Variants in GALM observed in about 807,000 individuals in gnomAD.
GALM encodes the protein aldose 1-epimerase.
GALM carries 43 observed loss-of-function variants against 37.4 expected under a neutral mutation model. The ratio of observed to expected loss-of-function variants is 1.15; its 90% confidence interval spans 0.90 to 1.48. The LOEUF is 1.48. Among genes scored for constraint, GALM ranks in the 40% most tolerant of loss-of-function variants. GALM has a pLI of 0.00. For synonymous variants in GALM, 199 were observed against 170.6 expected (o/e 1.17, Z -1.30); for missense variants, 456 against 419.1 (o/e 1.09, Z -0.77).
Position 38,681,488 on chromosome 2 carries a change from T to A in GALM, c.552+2T>A, listed in dbSNP as rs1393166942. ...TCTTACTTCAACCTGGCAGGCCAGG[T>A]AAGTGAACTTGTTTCTTCTTTCCTG... On this transcript the variant is annotated splice_donor_variant, in intron 3 of 6. Coordinates refer to ENST00000272252, the MANE Select transcript of GALM (RefSeq NM_138801.3). LOFTEE classifies it high-confidence loss of function. The A allele has an allele frequency of 1.2e-6, 2 of 1,611,728 alleles. No individual in the cohort carries two copies. The highest frequency in any genetic ancestry group is 1.7e-4 in the Middle Eastern group (1 of 6,060).
rs1240496310 is a variant in GALM, at chr2:38,709,553, GA to G, written c.634+19673del. ...AAATCAGAAAATGCTCGGTGGAAAG[GA>G]AAAAAAAAAAAAACATAAGACAAAA... On this transcript the variant is annotated intron_variant, in intron 4 of 6. Coordinates refer to ENST00000272252, the MANE Select transcript of GALM (RefSeq NM_138801.3). Among the ~76,000 whole-genome samples, 598 of 114,272 alleles carry G rather than the reference GA, an allele frequency of 5.2e-3. 2 individuals carry two copies. Among genetic ancestry groups the G allele is most frequent in the South Asian group, 0.017 (61 of 3,648 alleles). The allele number at this position is 114,272 out of a possible 152,430, so 75.0% of individuals were successfully genotyped here. A position where few individuals can be genotyped will look rare whatever the true frequency, so the allele number is the denominator to read the frequency against.
Position 38,733,961 on chromosome 2 carries a change from C to T in GALM, c.*396C>T. 3.4e-6 allele frequency: 1 copy of T among 297,054 alleles called. No individual in the cohort carries two copies. Among genetic ancestry groups the T allele is most frequent in the Non-Finnish European group, 6.6e-6 (1 of 151,048 alleles). The allele number at this position is 297,054 out of a possible 1,614,324, so 18.4% of individuals were successfully genotyped here. A position where few individuals can be genotyped will look rare whatever the true frequency, so the allele number is the denominator to read the frequency against. ...TTTCCTCCTCCTTCACCTCCAACCA[C>T]TGTCAGCAGCACTCTGGAGTTTTCA... is the stretch of plus-strand genomic sequence containing the variant. On this transcript the variant is annotated 3_prime_UTR_variant, in exon 7 of 7. Transcript: ENST00000272252.
intron 1 of GALM, among the ~76,000 whole-genome samples, chr2:38,672,822 C>G (rs1166346288): frequency 6.6e-6 from 1 of 150,796 alleles, no homozygotes; most frequent in African/African-American, 2.4e-5. Context: ...GCCTGGCCAA[C>G]ATGGTGAAAA....
intron 4 of GALM, among the ~76,000 whole-genome samples, chr2:38,718,607 T>G (rs1666315300): frequency 6.6e-6 from 1 of 151,970 alleles, no homozygotes; most frequent in African/African-American, 2.4e-5. Context: ...CTTTTTTCTT[T>G]TCTCCCTTAA....
At chr2:38,702,134 A>G (rs998128656) in intron 4 of GALM, among the ~76,000 whole-genome samples, 12 of 152,090 alleles carry the variant, frequency 7.9e-5, no homozygotes, top group African/African-American at 2.7e-4. Context: ...ATAAAGTGGG[A>G]TCAATGAATG....
intron 4 of GALM, among the ~76,000 whole-genome samples, chr2:38,697,211 A>G (rs1239383620): frequency 2.0e-5 from 3 of 152,196 alleles, no homozygotes; most frequent in Admixed American, 6.5e-5. Context: ...AATTTTAAAC[A>G]TAAGGCCTTT....
At chr2:38,682,799 G>C (rs1665427634) in intron 3 of GALM, among the ~76,000 whole-genome samples, 1 of 151,872 alleles carries the variant, frequency 6.6e-6, no homozygotes, top group Non-Finnish European at 1.5e-5. Flanking sequence ...GGGAGGCTGA[G>C]ACAGGAGAAT....
At chr2:38,712,845 C>T (rs1251445438) in intron 4 of GALM, among the ~76,000 whole-genome samples, 4 of 152,068 alleles carry the variant, frequency 2.6e-5, no homozygotes, top group Non-Finnish European at 5.9e-5. Flanking sequence ...CAGGGGGTGC[C>T]CTGATAGAGA....
intron 4 of GALM, among the ~76,000 whole-genome samples, chr2:38,720,832 G>C (rs1666361577): frequency 6.6e-6 from 1 of 152,214 alleles, no homozygotes; most frequent in Non-Finnish European, 1.5e-5. Flanking sequence ...TTACAGTATG[G>C]TGGCAGGGCT....
At chr2:38,674,732 G>A (rs1276175911) in intron 1 of GALM, among the ~76,000 whole-genome samples, 4 of 152,082 alleles carry the variant, frequency 2.6e-5, no homozygotes, top group South Asian at 2.1e-4. Context: ...AAGACCACAC[G>A]AAAGTATAAC....
intron 4 of GALM, among the ~76,000 whole-genome samples, chr2:38,716,785 A>C (rs1256931093): frequency 3.3e-5 from 5 of 152,164 alleles, no homozygotes; most frequent in Non-Finnish European, 1.5e-5. Flanking sequence ...TTGAGGCTGC[A>C]GTGAGCTGTG....
At position 38,733,712 on chromosome 2, in the gene GALM, A is replaced by G. The variant is rs376663112; in HGVS notation, c.*147A>G. 27 of 683,520 alleles carry G rather than the reference A, an allele frequency of 4.0e-5. No homozygotes were observed. The African/African-American group carries it at 4.6e-4, about 12-fold the overall frequency. The allele number at this position is 683,520 out of a possible 1,614,324, so 42.3% of individuals were successfully genotyped here. A position where few individuals can be genotyped will look rare whatever the true frequency, so the allele number is the denominator to read the frequency against. ...GGCTGTTCTGAGAATCAGTCTGGGTATTGATTTCCTTTTCCAGTGACTGGC... is the reference window on the plus strand; with the variant it reads ...GGCTGTTCTGAGAATCAGTCTGGGTGTTGATTTCCTTTTCCAGTGACTGGC... On this transcript the variant is annotated 3_prime_UTR_variant, in exon 7 of 7. Transcript: ENST00000272252.
chr2:38,709,837 C>T (rs1289660661), intron 4 of GALM, among the ~76,000 whole-genome samples: 5 of 152,194 alleles, frequency 3.3e-5, no homozygotes, highest in South Asian at 2.1e-4. Flanking sequence ...AGATGATTTA[C>T]GAAGATGGCT....
chr2:38,723,894 G>A (rs1037171047), intron 4 of GALM, among the ~76,000 whole-genome samples: 19 of 152,138 alleles, frequency 1.2e-4, no homozygotes, highest in African/African-American at 4.3e-4. Context: ...CACCTAGGCT[G>A]TGTGTGCACT....
chr2:38,682,989 T>G (rs17576507), intron 3 of GALM, among the ~76,000 whole-genome samples: 15,438 of 151,980 alleles, frequency 0.1, 904 homozygotes, highest in East Asian at 0.22. Context: ...TAAAATAAGT[T>G]CAGAAACAAA....
At chr2:38,704,713 T>C (rs1261842580) in intron 4 of GALM, among the ~76,000 whole-genome samples, 1 of 151,912 alleles carries the variant, frequency 6.6e-6, no homozygotes, top group East Asian at 1.9e-4. Context: ...AAGAAAGTAC[T>C]TGGACAACAG....
chr2:38,716,193 A>C (rs1000777258), intron 4 of GALM, among the ~76,000 whole-genome samples: 1 of 152,212 alleles, frequency 6.6e-6, no homozygotes, highest in South Asian at 2.1e-4. Context: ...CTGATGCTTC[A>C]TTTCCCTGCA....
intron 2 of GALM, among the ~76,000 whole-genome samples, chr2:38,676,287 T>C (rs1665259102): frequency 6.6e-6 from 1 of 152,092 alleles, no homozygotes; most frequent in Non-Finnish European, 1.5e-5. Flanking sequence ...AGAAAGGATG[T>C]CAACCTTTGA....
At chr2:38,704,001 G>A (rs1333195371) in intron 4 of GALM, among the ~76,000 whole-genome samples, 1 of 151,402 alleles carries the variant, frequency 6.6e-6, no homozygotes, top group Non-Finnish European at 1.5e-5. Context: ...GGGAGACAGG[G>A]AGAAACGCTG....
Sources: gnomAD v4.1 joint callset for allele counts (sites outside exome capture counted in the v4.1 genomes callset) on GRCh38, gnomAD v4.1.1 for gene constraint, MANE v1.5 for transcripts, NCBI Gene and HGNC (gene_info 2026-07-23, HGNC 2026-07-21) for gene names.